Variants in SPEN observed in about 807,000 individuals in gnomAD.
SPEN encodes the protein msx2-interacting protein.
A neutral mutation model predicts 269.9 loss-of-function variants in SPEN; 18 were observed. That is an observed-to-expected ratio of 0.07 (90% CI 0.05 to 0.10). The LOEUF is 0.10. Among genes scored for constraint, SPEN ranks in the 10% least tolerant of loss-of-function variants. SPEN has a pLI of 1.00. For missense variants in SPEN, 3,822 were observed against 4,631.2 expected, an observed-to-expected ratio of 0.83 and a Z score of 5.07; for synonymous variants, 1,726 against 1,765.7, an observed-to-expected ratio of 0.98 and a Z score of 0.56.
chr1:15,904,467 A>AAAAAAAAAAAAAAAAAAC, intron 3 of SPEN, among the ~76,000 whole-genome samples: 1 of 149,722 alleles, frequency 6.7e-6, no homozygotes, highest in Admixed American at 6.7e-5. Context: ...AAAAAAAAAA[A>AAAAAAAAAAAAAAAAAAC]AAAAAAAAAA....
intron 2 of SPEN, among the ~76,000 whole-genome samples, chr1:15,875,905 G>A (rs558224403): frequency 1.3e-5 from 2 of 152,282 alleles, no homozygotes; most frequent in East Asian, 3.9e-4. Flanking sequence ...AAAGGAGATT[G>A]TATATTTATG....
At chr1:15,896,489 C>G (rs2070843743) in intron 3 of SPEN, among the ~76,000 whole-genome samples, 1 of 152,066 alleles carries the variant, frequency 6.6e-6, no homozygotes, top group African/African-American at 2.4e-5. Flanking sequence ...AGCCACTATG[C>G]CCAGCCTTTA....
chr1:15,925,022 G>GA (rs1205464859), intron 10 of SPEN, among the ~76,000 whole-genome samples: 3 of 151,784 alleles, frequency 2.0e-5, no homozygotes, highest in Non-Finnish European at 2.9e-5. Flanking sequence ...ATGCATGAAT[G>GA]AAAAAAAATG....
chr1:15,909,216 C>A, intron 3 of SPEN, 105 bp from the exon 4 acceptor site: 1 of 1,256,300 alleles, frequency 8.0e-7, no homozygotes, highest in Non-Finnish European at 1.1e-6. Flanking sequence ...TCCAGAAATT[C>A]CAGTCTGAAA....
chr1:15,872,723 A>T, intron 1 of SPEN, 93 bp from the exon 2 acceptor site: 2 of 988,986 alleles, frequency 2.0e-6, no homozygotes, highest in Non-Finnish European at 2.9e-6. Context: ...CGTCCCTCCT[A>T]CATACATAAC....
chr1:15,913,870 AAAAG>A (rs1017412032), intron 5 of SPEN, among the ~76,000 whole-genome samples: 20 of 152,164 alleles, frequency 1.3e-4, no homozygotes, highest in East Asian at 5.8e-4. Context: ...GGGGGAGAAA[AAAAG>A]AAAGAAAGAA....
rs554611137 is a variant in SPEN at position 15,939,026 on chromosome 1, G to A, written c.10863+150G>A. ...CAGAAGTCAGTAGAGCACATGGGGC[G>A]GGGCGCCATCACCCATCCTGAAGAG... On this transcript the variant is annotated intron_variant, in intron 14 of 14. Coordinates refer to ENST00000375759, the MANE Select transcript of SPEN (RefSeq NM_015001.3). This position sits in a 1 kb window ranked among gnomAD's most constrained non-coding sequence, Gnocchi z 4.1. The A allele has an allele frequency of 2.7e-5, 30 of 1,104,216 alleles. No homozygotes were observed. Among genetic ancestry groups the A allele is most frequent in the Non-Finnish European group, 3.6e-5 (28 of 782,180 alleles). The allele number at this position is 1,104,216 out of a possible 1,614,324, so 68.4% of individuals were successfully genotyped here.
intron 1 of SPEN, among the ~76,000 whole-genome samples, chr1:15,861,781 C>G (rs1400041611): frequency 6.6e-6 from 1 of 152,062 alleles, no homozygotes; most frequent in Non-Finnish European, 1.5e-5. Context: ...GTGGCTCACT[C>G]CTGTAATCCC....
Position 15,929,056 on chromosome 1 carries a change from T to C in SPEN, c.2816T>C (p.Val939Ala). Residue 939 changes from valine (V) to alanine (A), a missense_variant, in exon 11 of 15, where the codon GTA becomes GCA. This residue lies in a region of SPEN where 572 missense variants were observed against 582.6 expected (regional missense o/e 0.98). Coordinates refer to ENST00000375759, the MANE Select transcript of SPEN (RefSeq NM_015001.3). The surrounding 1 kb of genome is among the most constrained non-coding windows in gnomAD (Gnocchi z 5.8). ...LSKLESVRMK[V>A]PKEKGLSSHV... ...AAACTGGAATCAGTTAGAATGAAAG[T>C]ACCAAAGGAAAAGGGGCTTTCAAGC... 6.2e-7 allele frequency: 1 copy of C among 1,614,072 alleles called. No individual in the cohort carries two copies. The highest frequency in any genetic ancestry group is 8.5e-7 in the Non-Finnish European group (1 of 1,180,034).
chr1:15,931,680 A>G lies in SPEN; in HGVS notation c.5440A>G (p.Lys1814Glu). The change falls in exon 11 of 15, where the codon AAG (lysine) becomes GAG (glutamate). Residue 1814 changes from lysine (K) to glutamate (E), a missense_variant. Physicochemically the swap from Lys to Glu is moderately conservative, Grantham distance 56. Transcript: ENST00000375759. This position sits in a 1 kb window ranked among gnomAD's most constrained non-coding sequence, Gnocchi z 4.8. ...AGAGGTTGATCCTCCAGTTGCTGCA[A>G]AGGATAAAAAGCCAAACAAAAGCAA... ...DLEVDPPVAA[K>E]DKKPNKSKRS... The G allele has an allele frequency of 1.2e-6, 2 of 1,614,192 alleles. No homozygotes were observed. The highest frequency in any genetic ancestry group is 1.7e-6 in the Non-Finnish European group (2 of 1,180,034).
At chr1:15,909,124 AT>A (rs1185492952) in intron 3 of SPEN, among the ~76,000 whole-genome samples, 196 bp from the exon 4 acceptor site, 1 of 152,170 alleles carries the variant, frequency 6.6e-6, no homozygotes, top group Non-Finnish European at 1.5e-5. Flanking sequence ...AATGAAGATT[AT>A]ACTTTTGTGC....
At chr1:15,923,430 C>T (rs1290616810) in intron 10 of SPEN, among the ~76,000 whole-genome samples, 1 of 152,156 alleles carries the variant, frequency 6.6e-6, no homozygotes, top group Non-Finnish European at 1.5e-5. Context: ...TAGGTCTCCA[C>T]CCCTATATGT....
At chr1:15,888,579 C>T (rs2070757720) in intron 3 of SPEN, among the ~76,000 whole-genome samples, 2 of 151,960 alleles carry the variant, frequency 1.3e-5, no homozygotes, top group African/African-American at 2.4e-5. Context: ...CCAGCTTTGC[C>T]TCCCAAAGTG....
chr1:15,927,319 C>T (rs1199527263), intron 10 of SPEN, among the ~76,000 whole-genome samples: 2 of 152,088 alleles, frequency 1.3e-5, no homozygotes, highest in Non-Finnish European at 2.9e-5. Context: ...GGCCAAGTAC[C>T]TGCCTAGGAT....
At chr1:15,926,171 A>G (rs2071164186) in intron 10 of SPEN, among the ~76,000 whole-genome samples, 1 of 152,148 alleles carries the variant, frequency 6.6e-6, no homozygotes, top group South Asian at 2.1e-4. Flanking sequence ...TGAGGCGGGC[A>G]GATCACCAGA....
In SPEN at chr1:15,876,601, C is replaced by A. The variant is rs150763835; in HGVS notation, c.804C>A (p.Ser268=). The A allele has an allele frequency of 2.5e-6, 4 of 1,613,856 alleles. No homozygotes were observed. The highest frequency in any genetic ancestry group is 1.6e-4 in the Middle Eastern group (1 of 6,084). Residue 268 remains serine (S), a synonymous_variant, in exon 3 of 15, where the codon TCC becomes TCA. Coordinates refer to ENST00000375759, the MANE Select transcript of SPEN (RefSeq NM_015001.3). ...GCCAAGCATCTAGACCCACAAGGTC[C>A]CCTAGCGGCAGCGGCTCTAGAAGTA... is the stretch of plus-strand genomic sequence containing the variant. The part of the protein sequence containing the change: ...LASQASRPTR[S]PSGSGSRSRS...
intron 2 of SPEN, among the ~76,000 whole-genome samples, chr1:15,875,305 G>A (rs960886876): frequency 1.3e-5 from 2 of 151,824 alleles, no homozygotes; most frequent in African/African-American, 2.4e-5. Context: ...TTTGCTAATA[G>A]CGACCTTAGA....
In SPEN at chr1:15,930,404, C is replaced by G. The variant is rs2148739309; in HGVS notation, c.4164C>G (p.His1388Gln). The G allele has an allele frequency of 1.2e-6, 2 of 1,613,984 alleles. No individual in the cohort carries two copies. Among genetic ancestry groups the G allele is most frequent in the Middle Eastern group, 1.6e-4 (1 of 6,062 alleles). ...CTGATTCTGACGAAGATGGTGAACA[C>G]AAATCCCACTCACCCAGAGCCTCTG... ...VPSDSDEDGEHKSHSPRASAL... is the reference protein window; with the variant it reads ...VPSDSDEDGEQKSHSPRASAL... Residue 1388 changes from histidine (H) to glutamine (Q), a missense_variant, in exon 11 of 15, where the codon CAC (histidine) becomes CAG (glutamine). Physicochemically the swap from His to Gln is conservative, Grantham distance 24. This residue lies in a region of SPEN where 267 missense variants were observed against 315.5 expected (regional missense o/e 0.85). Transcript: ENST00000375759. The surrounding 1 kb of genome is among the most constrained non-coding windows in gnomAD (Gnocchi z 5.3).
At chr1:15,898,173 TTGTGTG>T (rs58297957) in intron 3 of SPEN, among the ~76,000 whole-genome samples, 6,753 of 147,472 alleles carry the variant, frequency 0.046, 305 homozygotes, top group African/African-American at 0.12. Flanking sequence ...TAATTTATCT[TTGTGTG>T]TGTGTGTGTG....
Sources: gnomAD v4.1 joint callset for allele counts (sites outside exome capture counted in the v4.1 genomes callset) on GRCh38, gnomAD v4.1.1 for gene constraint, gnomAD v4.1.1 regional missense constraint, Gnocchi (gnomAD v3.1) non-coding constraint, MANE v1.5 for transcripts, NCBI Gene and HGNC (gene_info 2026-07-23, HGNC 2026-07-21) for gene names.